TNFRSF11A: variants seen among roughly 807,000 people sequenced by gnomAD.
The protein encoded by TNFRSF11A is TNF receptor superfamily member 11a.
Under a neutral mutation model 55.7 loss-of-function variants are expected in TNFRSF11A, and 32 were observed. The ratio of observed to expected loss-of-function variants is 0.57; its 90% CI spans 0.43 to 0.77. TNFRSF11A has a LOEUF of 0.77. TNFRSF11A is among the 30% of genes least tolerant of loss of function. The pLI, the probability that TNFRSF11A is intolerant of heterozygous loss-of-function variation, is 0.00. For missense variants in TNFRSF11A, 753 were observed against 809.8 expected (o/e 0.93, Z 0.85); for synonymous variants, 311 against 331.0 (o/e 0.94, Z 0.65).
At chr18:62,343,954 C>G (rs2046347994) in intron 1 of TNFRSF11A, among the ~76,000 whole-genome samples, 1 of 152,040 alleles carries the variant, frequency 6.6e-6, no homozygotes, top group South Asian at 2.1e-4. Context: ...GAACTATACT[C>G]TATCAATCCA....
intron 7 of TNFRSF11A, among the ~76,000 whole-genome samples, chr18:62,364,144 C>A (rs981741247): frequency 2.0e-5 from 3 of 152,184 alleles, no homozygotes; most frequent in African/African-American, 7.2e-5. Flanking sequence ...CAGCCAGGGT[C>A]TCCCAGAGGA....
intron 9 of TNFRSF11A, among the ~76,000 whole-genome samples, chr18:62,376,493 T>C (rs1910907004): frequency 6.6e-6 from 1 of 152,114 alleles, no homozygotes; most frequent in South Asian, 2.1e-4. Flanking sequence ...TTTAGCTTCA[T>C]AGGAAAATTG....
At chr18:62,339,535 G>A (rs2046282314) in intron 1 of TNFRSF11A, among the ~76,000 whole-genome samples, 3 of 152,192 alleles carry the variant, frequency 2.0e-5, no homozygotes, top group African/African-American at 7.2e-5. Context: ...ACTGGTCACA[G>A]TTTTCCTTCC....
chr18:62,374,655 A>G (rs1910767212), intron 9 of TNFRSF11A, among the ~76,000 whole-genome samples: 1 of 152,218 alleles, frequency 6.6e-6, no homozygotes, highest in South Asian at 2.1e-4. Flanking sequence ...TTGCTTAAAA[A>G]TGTAAATTCT....
At chr18:62,378,310 G>A (rs1036704873) in intron 9 of TNFRSF11A, among the ~76,000 whole-genome samples, 1 of 152,210 alleles carries the variant, frequency 6.6e-6, no homozygotes, top group Non-Finnish European at 1.5e-5. Flanking sequence ...CAGCAGACTT[G>A]CGTGATGAGA....
chr18:62,353,125 A>G (rs2046497865), intron 3 of TNFRSF11A, among the ~76,000 whole-genome samples: 2 of 152,178 alleles, frequency 1.3e-5, no homozygotes, highest in Non-Finnish European at 2.9e-5. Flanking sequence ...TGAACACTGA[A>G]TTAGCAAATC....
rs1353452559 is a variant in TNFRSF11A at position 62,390,020 on chromosome 18, C to CA, written c.*4988dup. On this transcript the variant is annotated 3_prime_UTR_variant, in exon 10 of 10. Coordinates refer to ENST00000586569, the MANE Select transcript of TNFRSF11A (RefSeq NM_003839.4). ...AGGATGACGTGAGATGAGAGACAAC[C>CA]AAGCACTCACTGGCAGTTCCTAGAA... 1 of 152,252 alleles carries CA rather than the reference C, an allele frequency of 6.6e-6. No individual in the cohort carries two copies. Among genetic ancestry groups the CA allele is most frequent in the Non-Finnish European group, 1.5e-5 (1 of 68,064 alleles). The allele number at this position is 152,252 out of a possible 1,614,324, so 9.4% of individuals were successfully genotyped here.
chr18:62,358,980 G>A lies in TNFRSF11A; in HGVS notation c.521+639G>A, dbSNP rs114816724. 5.0e-3 allele frequency among the ~76,000 whole-genome samples: 768 copies of A among 152,182 alleles called. 7 individuals are homozygous for A. Among genetic ancestry groups the A allele is most frequent in the African/African-American group, 0.017 (716 of 41,488 alleles). ...ATCTCATATATATATGATTTCTCAC[G>A]TATGTGAGTAAATCTATAGTGGAAT... On this transcript the variant is annotated intron_variant, in intron 5 of 9. Coordinates refer to ENST00000586569, the MANE Select transcript of TNFRSF11A (RefSeq NM_003839.4).
Position 62,390,902 on chromosome 18 carries a change from T to G in TNFRSF11A, c.*5868T>G, listed in dbSNP as rs1911967975. 6.6e-6 allele frequency: 1 copy of G among 152,236 alleles called. No individual in the cohort carries two copies. Among genetic ancestry groups the G allele is most frequent in the Non-Finnish European group, 1.5e-5 (1 of 68,048 alleles). The allele number at this position is 152,236 out of a possible 1,614,324, so 9.4% of individuals were successfully genotyped here. On this transcript the variant is annotated 3_prime_UTR_variant, in exon 10 of 10. Transcript: ENST00000586569. ...TACAGTAAAATTCACCCTTTTTAGA[T>G]ATATAGTTTTATGAGTTTTAACAAA...
intron 6 of TNFRSF11A, among the ~76,000 whole-genome samples, chr18:62,360,895 G>A (rs8094884): frequency 0.41 from 62,270 of 152,000 alleles, 13,358 homozygotes; most frequent in Middle Eastern, 0.57. Context: ...GATGAGGAAA[G>A]AGAACAATAG....
intron 9 of TNFRSF11A, among the ~76,000 whole-genome samples, chr18:62,376,915 T>C (rs1910937272): frequency 6.6e-6 from 1 of 152,162 alleles, no homozygotes; most frequent in Non-Finnish European, 1.5e-5. Context: ...TGATAGCTCT[T>C]TTCTTTTTTT....
intron 4 of TNFRSF11A, chr18:62,357,972 AT>A (rs1411537656): frequency 9.0e-6 from 4 of 443,394 alleles, no homozygotes; most frequent in African/African-American, 6.0e-5. Flanking sequence ...TGACCTGGAC[AT>A]CACATACCAG....
intron 9 of TNFRSF11A, among the ~76,000 whole-genome samples, chr18:62,382,656 G>A (rs527839215): frequency 3.4e-5 from 5 of 147,280 alleles, no homozygotes; most frequent in Admixed American, 7.8e-5. Flanking sequence ...GGTTTTCTGC[G>A]GGGGGAGTGG....
intron 3 of TNFRSF11A, among the ~76,000 whole-genome samples, chr18:62,352,637 C>T (rs377027647): frequency 2.0e-5 from 3 of 152,234 alleles, no homozygotes; most frequent in Non-Finnish European, 4.4e-5. Flanking sequence ...CCCAGGCTTA[C>T]ATTCGGATGG....
At chr18:62,357,628 A>C (rs537577341) in intron 4 of TNFRSF11A, among the ~76,000 whole-genome samples, 2 of 152,206 alleles carry the variant, frequency 1.3e-5, no homozygotes, top group African/African-American at 4.8e-5. Context: ...ATGACCCTTT[A>C]TAGAAAATGT....
intron 5 of TNFRSF11A, 72 bp downstream of exon 5, chr18:62,358,413 G>T: frequency 1.4e-6 from 2 of 1,420,512 alleles, no homozygotes; most frequent in South Asian, 1.1e-5. Flanking sequence ...TCTCGTCTGG[G>T]TTGAAAACGG....
chr18:62,367,617 T>C (rs1359259930), intron 8 of TNFRSF11A, among the ~76,000 whole-genome samples: 1 of 152,132 alleles, frequency 6.6e-6, no homozygotes, highest in African/African-American at 2.4e-5. Flanking sequence ...TCCTTAAATA[T>C]TTCAGTGTGT....
rs2145411271 is a variant in TNFRSF11A, at chr18:62,386,742, A to T, written c.*1708A>T. 6.6e-6 allele frequency: 1 copy of T among 152,334 alleles called. No homozygotes were observed. The highest frequency in any genetic ancestry group is 2.1e-4 in the South Asian group (1 of 4,824). 9.4% of individuals were successfully genotyped at this position (152,334 alleles called of 1,614,324 possible). On this transcript the variant is annotated 3_prime_UTR_variant, in exon 10 of 10. Coordinates refer to ENST00000586569, the MANE Select transcript of TNFRSF11A (RefSeq NM_003839.4). ...CTCCTGCTGGAAATGCTGGGGTGGT[A>T]GCGGTCGATTAGGATTTTCAGTGGA...
intron 5 of TNFRSF11A, among the ~76,000 whole-genome samples, chr18:62,359,604 C>A (rs1043886004): frequency 6.6e-6 from 1 of 152,138 alleles, no homozygotes; most frequent in African/African-American, 2.4e-5. Flanking sequence ...GTCTCTAATT[C>A]CTGGGCTCAA....
Sources: gnomAD v4.1 joint callset for allele counts (sites outside exome capture counted in the v4.1 genomes callset) on GRCh38, gnomAD v4.1.1 for gene constraint, MANE v1.5 for transcripts, NCBI Gene and HGNC (gene_info 2026-07-23, HGNC 2026-07-21) for gene names.